The following FGF14 variants were observed in gnomAD, a reference collection of about 807,000 sequenced individuals.
FGF14 encodes fibroblast growth factor 14, also known as fibroblast growth factor homologous factor 4.
Under a neutral mutation model 25.5 loss-of-function variants are expected in FGF14, and 5 were observed. That is an observed-to-expected ratio of 0.20 (90% CI 0.10 to 0.41). The LOEUF (loss-of-function observed/expected upper bound fraction) is 0.41. Ranked by LOEUF, FGF14 falls within the 10% of genes least tolerant of loss-of-function variation. The pLI, the probability that FGF14 is intolerant of heterozygous loss-of-function variation, is 1.00. For missense variants in FGF14, 222 were observed against 320.1 expected, an observed-to-expected ratio of 0.69 and a Z score of 2.34; for synonymous variants, 138 against 118.3, an observed-to-expected ratio of 1.17 and a Z score of -1.08.
At chr13:101,949,783 T>G (rs727424) in intron 1 of FGF14, among the ~76,000 whole-genome samples, 31,296 of 152,112 alleles carry the variant, frequency 0.21, 3,679 homozygotes, top group East Asian at 0.52. Flanking sequence ...AACCTCAATC[T>G]CATTCATTGT....
intron 1 of FGF14, among the ~76,000 whole-genome samples, chr13:102,235,348 G>A (rs2051280645): frequency 6.6e-6 from 1 of 152,094 alleles, no homozygotes; most frequent in Admixed American, 6.6e-5. Flanking sequence ...TATCCACTTA[G>A]CTGTCAATAT....
At chr13:102,301,391 T>C (rs2055044714) in intron 1 of FGF14, among the ~76,000 whole-genome samples, 1 of 152,168 alleles carries the variant, frequency 6.6e-6, no homozygotes. Context: ...ACAATTCAAT[T>C]GACAGTTATG....
At chr13:102,014,162 A>G (rs2040220666) in intron 1 of FGF14, among the ~76,000 whole-genome samples, 1 of 152,186 alleles carries the variant, frequency 6.6e-6, no homozygotes, top group Non-Finnish European at 1.5e-5. Flanking sequence ...ATCACTATTC[A>G]TAGTACCTGA....
intron 1 of FGF14, among the ~76,000 whole-genome samples, chr13:101,916,109 G>A (rs887119330): frequency 5.9e-5 from 9 of 152,328 alleles, no homozygotes; most frequent in Admixed American, 5.9e-4. Flanking sequence ...GTGGCAGGAA[G>A]GGGTGCCCCG....
intron 3 of FGF14, among the ~76,000 whole-genome samples, chr13:101,743,823 TA>T (rs58918101): frequency 0.14 from 21,969 of 152,084 alleles, 1,666 homozygotes; most frequent in African/African-American, 0.16. Context: ...GAACCATATT[TA>T]AAGAGGGTTT....
intron 3 of FGF14, among the ~76,000 whole-genome samples, chr13:101,832,357 T>C (rs1371036676): frequency 6.6e-6 from 1 of 152,108 alleles, no homozygotes; most frequent in Non-Finnish European, 1.5e-5. Flanking sequence ...AGCATCAGTG[T>C]CTGCTGTTTT....
intron 1 of FGF14, among the ~76,000 whole-genome samples, chr13:101,931,243 C>A (rs981085404): frequency 5.3e-5 from 8 of 152,126 alleles, no homozygotes; most frequent in Admixed American, 4.6e-4. Flanking sequence ...AATGCAAAGG[C>A]GCCCTTCCCA....
At chr13:102,164,387 T>C (rs2047909542) in intron 1 of FGF14, among the ~76,000 whole-genome samples, 1 of 152,150 alleles carries the variant, frequency 6.6e-6, no homozygotes, top group Non-Finnish European at 1.5e-5. Flanking sequence ...ATGACCAGCT[T>C]TTTTCTCCCT....
intron 1 of FGF14, among the ~76,000 whole-genome samples, chr13:102,322,503 C>T (rs756194634): frequency 5.9e-5 from 9 of 152,058 alleles, no homozygotes; most frequent in Admixed American, 6.6e-5. Flanking sequence ...AGCACTTCAC[C>T]GACTACTGAT....
At position 101,870,609 on chromosome 13, in the gene FGF14, G is replaced by T. The variant is rs927754619; in HGVS notation, c.305-1781C>A. ...AAAATTATATAAGATAGTTTAAAAT[G>T]ATCATACTGAAAAAATACTAGTGTT... On this transcript the variant is annotated intron_variant, in intron 2 of 4. Transcript: ENST00000376143. 2.6e-4 allele frequency among the ~76,000 whole-genome samples: 39 copies of T among 152,068 alleles called. 1 individual carries two copies. The highest frequency in any genetic ancestry group is 1.6e-3 in the Admixed American group (24 of 15,254).
intron 1 of FGF14, among the ~76,000 whole-genome samples, chr13:102,079,096 T>C (rs1305163717): frequency 6.6e-6 from 1 of 152,210 alleles, no homozygotes; most frequent in Non-Finnish European, 1.5e-5. Context: ...AAGTCTTTGC[T>C]GATGGTCACC....
At chr13:102,040,305 C>T (rs1028990692) in intron 1 of FGF14, among the ~76,000 whole-genome samples, 4 of 152,074 alleles carry the variant, frequency 2.6e-5, no homozygotes, top group South Asian at 2.1e-4. Flanking sequence ...TAGTTGTAGG[C>T]GGAGCAAATA....
At chr13:102,365,887 C>CTTGGCTATA (rs1470445053) in intron 1 of FGF14, among the ~76,000 whole-genome samples, 3 of 152,116 alleles carry the variant, frequency 2.0e-5, no homozygotes, top group Non-Finnish European at 4.4e-5. Flanking sequence ...ATTTCCCTGA[C>CTTGGCTATA]TTGGCTATAT....
At chr13:102,317,792 C>CTGGATT (rs1308512922) in intron 1 of FGF14, among the ~76,000 whole-genome samples, 1 of 152,120 alleles carries the variant, frequency 6.6e-6, no homozygotes, top group African/African-American at 2.4e-5. Context: ...CTGTTAAGAG[C>CTGGATT]TGGATTTCCT....
chr13:102,298,573 T>C (rs2054853326), intron 1 of FGF14, among the ~76,000 whole-genome samples: 1 of 152,182 alleles, frequency 6.6e-6, no homozygotes, highest in Admixed American at 6.5e-5. Flanking sequence ...CCATATGTCC[T>C]TTATTTGGTA....
intron 1 of FGF14, among the ~76,000 whole-genome samples, chr13:102,248,238 T>C (rs59361851): frequency 0.046 from 6,974 of 152,180 alleles, 518 homozygotes; most frequent in African/African-American, 0.16. Flanking sequence ...CCCTTGAACC[T>C]AAAATAAAAG....
At chr13:102,114,699 A>G (rs182338698) in intron 1 of FGF14, among the ~76,000 whole-genome samples, 40 of 152,296 alleles carry the variant, frequency 2.6e-4, no homozygotes, top group Non-Finnish European at 5.9e-5. Context: ...AGCCTTGAGA[A>G]CATTATGGTA....
intron 1 of FGF14, among the ~76,000 whole-genome samples, chr13:101,912,580 A>G (rs1412828721): frequency 6.6e-6 from 1 of 152,148 alleles, no homozygotes; most frequent in African/African-American, 2.4e-5. Flanking sequence ...TTTCCTTGTA[A>G]ATTCCCCTTT....
chr13:102,238,398 T>C (rs2051427963), intron 1 of FGF14, among the ~76,000 whole-genome samples: 1 of 152,214 alleles, frequency 6.6e-6, no homozygotes, highest in South Asian at 2.1e-4. Context: ...TGCAGCGATA[T>C]TTGTTTTCCG....
Sources: gnomAD v4.1 joint callset for allele counts (sites outside exome capture counted in the v4.1 genomes callset) on GRCh38, gnomAD v4.1.1 for gene constraint, MANE v1.5 for transcripts, NCBI Gene and HGNC (gene_info 2026-07-23, HGNC 2026-07-21) for gene names.